PCDH7: variants seen among roughly 807,000 people sequenced by gnomAD.
PCDH7 encodes the protein protocadherin-7.
PCDH7 carries 17 observed loss-of-function variants against 58.9 expected under a neutral mutation model. The ratio of observed to expected loss-of-function variants is 0.29; its 90% CI spans 0.20 to 0.43. The LOEUF is 0.43. Among genes scored for constraint, PCDH7 ranks in the 20% least tolerant of loss-of-function variants. The pLI, the probability that PCDH7 is intolerant of heterozygous loss-of-function variation, is 1.00. For synonymous variants in PCDH7, 664 were observed against 616.4 expected (o/e 1.08, Z -1.14); for missense variants, 1,274 against 1,441.0 (o/e 0.88, Z 1.88).
At chr4:31,073,526 G>A (rs1758728968) in intron 3 of PCDH7, among the ~76,000 whole-genome samples, 1 of 152,104 alleles carries the variant, frequency 6.6e-6, no homozygotes, top group East Asian at 1.9e-4. Context: ...ACTCATAGCA[G>A]GTCATGTGCA....
intron 3 of PCDH7, among the ~76,000 whole-genome samples, chr4:30,989,038 T>C (rs895029859): frequency 6.6e-5 from 10 of 152,324 alleles, no homozygotes; most frequent in Non-Finnish European, 1.3e-4. Flanking sequence ...AAAATATTTG[T>C]TGTAGATGAT....
intron 1 of PCDH7, among the ~76,000 whole-genome samples, chr4:30,816,549 T>G (rs1165584246): frequency 8.9e-6 from 1 of 112,078 alleles, no homozygotes; most frequent in Non-Finnish European, 2.1e-5. Flanking sequence ...TGGAATGAGT[T>G]TTTTTTTTTA....
intron 3 of PCDH7, among the ~76,000 whole-genome samples, chr4:30,970,308 T>C (rs1033594599): frequency 5.3e-5 from 8 of 152,098 alleles, no homozygotes; most frequent in Non-Finnish European, 4.4e-5. Flanking sequence ...TTTTTTTTTT[T>C]TCCTGAGACG....
chr4:31,057,299 A>T (rs952503665), intron 3 of PCDH7, among the ~76,000 whole-genome samples: 4 of 152,154 alleles, frequency 2.6e-5, no homozygotes, highest in Admixed American at 1.3e-4. Flanking sequence ...AAATAAAGTC[A>T]TCATAGAAAA....
At chr4:30,990,208 GAA>G (rs199623215) in intron 3 of PCDH7, among the ~76,000 whole-genome samples, 3 of 148,210 alleles carry the variant, frequency 2.0e-5, no homozygotes, top group African/African-American at 7.4e-5. Flanking sequence ...GCCTAAAGAG[GAA>G]AAAAAAACAT....
intron 1 of PCDH7, among the ~76,000 whole-genome samples, chr4:30,917,319 T>A (rs1742605599): frequency 2.0e-5 from 3 of 152,154 alleles, no homozygotes; most frequent in Admixed American, 2.0e-4. Flanking sequence ...TTAATTTGGT[T>A]CACACTGCCA....
chr4:30,772,376 A>G (rs1438458662), intron 1 of PCDH7, among the ~76,000 whole-genome samples: 1 of 152,222 alleles, frequency 6.6e-6, no homozygotes, highest in Non-Finnish European at 1.5e-5. Flanking sequence ...CAAGGCCATC[A>G]TGTGTATTCT....
In PCDH7 at chr4:30,721,847, C is replaced by T; in HGVS notation, c.425C>T (p.Thr142Ile). Residue 142 changes from threonine to isoleucine, a missense_variant, in exon 1 of 2, where the codon ACC (threonine) becomes ATC (isoleucine). Physicochemically the swap from Thr to Ile is moderately conservative, Grantham distance 89 (BLOSUM62 -1). This residue lies in a region of PCDH7 where 212 missense variants were observed against 255.8 expected (regional missense o/e 0.83). Coordinates refer to ENST00000361762, the Ensembl canonical transcript of PCDH7. This position sits in a 1 kb window ranked among gnomAD's most constrained non-coding sequence, Gnocchi z 6.7. ...CTTGACATCAACGACAACACGCCCA[C>T]CTTCCCGTCGCCCGTGCTCACGCTC... 1 of 1,608,266 alleles carries T rather than the reference C, an allele frequency of 6.2e-7. No homozygotes were observed. Among genetic ancestry groups the T allele is most frequent in the Middle Eastern group, 1.7e-4 (1 of 6,056 alleles).
At chr4:30,921,522 C>G (rs1031804912) in intron 2 of PCDH7, among the ~76,000 whole-genome samples, 1 of 151,964 alleles carries the variant, frequency 6.6e-6, no homozygotes, top group Non-Finnish European at 1.5e-5. Context: ...GAAAGTATTG[C>G]TAAATTATAT....
At chr4:30,816,757 C>T (rs144334843) in intron 1 of PCDH7, among the ~76,000 whole-genome samples, 9 of 151,738 alleles carry the variant, frequency 5.9e-5, no homozygotes, top group East Asian at 5.8e-4. Flanking sequence ...CAGAATTGCA[C>T]GATGAAGAGT....
At position 30,723,637 on chromosome 4, in the gene PCDH7, G is replaced by T. The variant is rs201404685; in HGVS notation, c.2215G>T (p.Ala739Ser). 6.2e-7 allele frequency: 1 copy of T among 1,614,150 alleles called. No individual in the cohort carries two copies. The highest frequency in any genetic ancestry group is 8.5e-7 in the Non-Finnish European group (1 of 1,180,038). Residue 739 changes from alanine (A) to serine (S), a missense_variant, in exon 1 of 2, where the codon GCT becomes TCT. By Grantham distance (99) the Ala-to-Ser change is moderately conservative. Around this residue, in one of 3 missense-constraint regions of PCDH7, gnomAD observed 731 missense variants for 881.9 expected, o/e 0.83. Transcript: ENST00000361762. The surrounding 1 kb of genome is among the most constrained non-coding windows in gnomAD (Gnocchi z 4.6). ...TTTTGTGATGGATGAAAATGACAAT[G>T]CTCCCACAGTTACCCTTCCCAAAAA... is the stretch of plus-strand genomic sequence containing the variant.
chr4:31,124,792 G>A (rs1718101841), intron 3 of PCDH7, among the ~76,000 whole-genome samples: 2 of 152,136 alleles, frequency 1.3e-5, no homozygotes, highest in Non-Finnish European at 2.9e-5. Context: ...AAACCCAATT[G>A]TGATTAATAT....
chr4:31,033,254 A>G (rs1755110630), intron 3 of PCDH7, among the ~76,000 whole-genome samples: 3 of 152,218 alleles, frequency 2.0e-5, no homozygotes, highest in Admixed American at 6.5e-5. Context: ...TGCTAACAGC[A>G]TGCTCCATCA....
At chr4:31,110,302 C>T (rs2109310431) in intron 3 of PCDH7, among the ~76,000 whole-genome samples, 1 of 152,292 alleles carries the variant, frequency 6.6e-6, no homozygotes, top group Non-Finnish European at 1.5e-5. Flanking sequence ...AGCAAAGCTG[C>T]TTAGTGGAAA....
chr4:30,956,823 G>A (rs1311281722), intron 3 of PCDH7, among the ~76,000 whole-genome samples: 1 of 152,030 alleles, frequency 6.6e-6, no homozygotes, highest in African/African-American at 2.4e-5. Flanking sequence ...GTGAGTTGAG[G>A]CTTTCTTTTG....
intron 1 of PCDH7, among the ~76,000 whole-genome samples, chr4:30,892,174 C>A (rs1034558361): frequency 2.0e-5 from 3 of 151,826 alleles, no homozygotes; most frequent in Non-Finnish European, 4.4e-5. Context: ...TTATTTCATT[C>A]GGATTTCACT....
At chr4:30,861,940 C>A (rs1327000392) in intron 1 of PCDH7, among the ~76,000 whole-genome samples, 6 of 152,032 alleles carry the variant, frequency 3.9e-5, no homozygotes, top group African/African-American at 1.2e-4. Flanking sequence ...AAATTATAAG[C>A]TAGGTATAAA....
At chr4:30,903,229 C>T (rs2109396553) in intron 1 of PCDH7, among the ~76,000 whole-genome samples, 1 of 152,052 alleles carries the variant, frequency 6.6e-6, no homozygotes, top group Non-Finnish European at 1.5e-5. Context: ...AATAACTCAT[C>T]CTCTTAATAT....
intron 3 of PCDH7, among the ~76,000 whole-genome samples, chr4:30,970,261 C>T (rs1749435364): frequency 6.6e-6 from 1 of 151,842 alleles, no homozygotes; most frequent in African/African-American, 2.4e-5. Flanking sequence ...TGCTTTCTTC[C>T]TGGCACAAAT....
Sources: gnomAD v4.1 joint callset for allele counts (sites outside exome capture counted in the v4.1 genomes callset) on GRCh38, gnomAD v4.1.1 for gene constraint, gnomAD v4.1.1 regional missense constraint, Gnocchi (gnomAD v3.1) non-coding constraint, MANE v1.5 for transcripts, NCBI Gene and HGNC (gene_info 2026-07-23, HGNC 2026-07-21) for gene names.